Variants in MAPK10 observed in about 807,000 individuals in gnomAD.
The protein encoded by MAPK10 is JNK3 alpha protein kinase.
MAPK10 carries 25 observed loss-of-function variants against 59.3 expected under a neutral mutation model. That is an observed-to-expected ratio of 0.42 (90% confidence interval 0.31 to 0.59). The LOEUF (loss-of-function observed/expected upper bound fraction) is 0.59, where lower values mean the gene tolerates loss of function less well. MAPK10 is among the 20% of genes least tolerant of loss of function. The probability of loss-of-function intolerance (pLI) is 0.15; values close to 1 mark genes in which losing one functional copy is unlikely to be tolerated. For synonymous variants in MAPK10, 190 were observed against 200.5 expected, an observed-to-expected ratio of 0.95 and a Z score of 0.44; for missense variants, 351 against 568.9, an observed-to-expected ratio of 0.62 and a Z score of 3.90.
At chr4:86,272,198 T>G (rs1363855073) in intron 2 of MAPK10, among the ~76,000 whole-genome samples, 1 of 152,044 alleles carries the variant, frequency 6.6e-6, no homozygotes, top group Non-Finnish European at 1.5e-5. Context: ...CATAGTAGCT[T>G]AGGAATATTT....
At chr4:86,056,946 AT>A (rs11309220) in intron 11 of MAPK10, among the ~76,000 whole-genome samples, 62,909 of 146,238 alleles carry the variant, frequency 0.43, 16,305 homozygotes, top group African/African-American at 0.6. Flanking sequence ...TTGTTTATTT[AT>A]TTTATTTTAT....
At chr4:86,230,648 T>G (rs2091406431) in intron 2 of MAPK10, among the ~76,000 whole-genome samples, 1 of 152,350 alleles carries the variant, frequency 6.6e-6, no homozygotes, top group South Asian at 2.1e-4. Context: ...ACAAGTTCAC[T>G]TATTAATTTC....
chr4:86,313,882 T>C (rs2095719897), intron 2 of MAPK10, among the ~76,000 whole-genome samples: 1 of 152,056 alleles, frequency 6.6e-6, no homozygotes, highest in Non-Finnish European at 1.5e-5. Flanking sequence ...ATATGTTCAC[T>C]GAAAGTCAAG....
chr4:86,552,459 A>G (rs140484897), intron 1 of MAPK10, among the ~76,000 whole-genome samples: 374 of 34,200 alleles, frequency 0.011, no homozygotes, highest in Middle Eastern at 0.019. Flanking sequence ...GAAGGAAGGA[A>G]GGAGGGAGGG....
intron 1 of MAPK10, among the ~76,000 whole-genome samples, chr4:86,414,061 C>T (rs186371547): frequency 7.4e-5 from 11 of 149,212 alleles, no homozygotes; most frequent in Admixed American, 4.1e-4. Flanking sequence ...AGCGACCCCG[C>T]ATAATTTATT....
intron 1 of MAPK10, among the ~76,000 whole-genome samples, chr4:86,517,604 G>A (rs191009606): frequency 2.6e-5 from 4 of 152,020 alleles, no homozygotes; most frequent in African/African-American, 7.2e-5. Flanking sequence ...TGTTGGATTC[G>A]GTTAGCTAGT....
intron 1 of MAPK10, among the ~76,000 whole-genome samples, chr4:86,494,497 G>A (rs1754714181): frequency 6.6e-6 from 1 of 152,146 alleles, no homozygotes; most frequent in Non-Finnish European, 1.5e-5. Flanking sequence ...CTAAGGGAGT[G>A]TGAATACTGG....
At chr4:86,367,493 T>C (rs1176238974) in intron 1 of MAPK10, among the ~76,000 whole-genome samples, 1 of 152,090 alleles carries the variant, frequency 6.6e-6, no homozygotes, top group African/African-American at 2.4e-5. Context: ...CCATGTTTTA[T>C]TACACGTACT....
intron 11 of MAPK10, among the ~76,000 whole-genome samples, chr4:86,036,376 C>G (rs2040300275): frequency 6.6e-6 from 1 of 151,510 alleles, no homozygotes; most frequent in Admixed American, 6.6e-5. Flanking sequence ...AATTGTGACA[C>G]TAGAAAAACT....
intron 2 of MAPK10, among the ~76,000 whole-genome samples, chr4:86,350,158 T>A (rs554148909): frequency 8.5e-5 from 13 of 152,186 alleles, no homozygotes; most frequent in African/African-American, 2.6e-4. Context: ...TTCAAGCGAT[T>A]CTCCTGCCTC....
intron 2 of MAPK10, among the ~76,000 whole-genome samples, chr4:86,210,094 C>T (rs150805221): frequency 0.01 from 1,586 of 152,062 alleles, 13 homozygotes; most frequent in Middle Eastern, 0.02. Flanking sequence ...TAAAACTAGA[C>T]CCTAATCTCT....
intron 13 of MAPK10, among the ~76,000 whole-genome samples, chr4:86,023,517 C>T (rs2060588): frequency 0.2 from 30,681 of 151,802 alleles, 3,680 homozygotes; most frequent in African/African-American, 0.32. Context: ...TACATCAATT[C>T]GGGGAGTATC....
intron 2 of MAPK10, among the ~76,000 whole-genome samples, chr4:86,208,587 T>A (rs2084855031): frequency 6.6e-6 from 1 of 151,924 alleles, no homozygotes; most frequent in Non-Finnish European, 1.5e-5. Flanking sequence ...ATGGGACGTA[T>A]CTCAAAATAA....
At chr4:86,337,882 C>T (rs1722487041) in intron 2 of MAPK10, among the ~76,000 whole-genome samples, 1 of 152,162 alleles carries the variant, frequency 6.6e-6, no homozygotes, top group South Asian at 2.1e-4. Context: ...TATGCTCTTA[C>T]AATATACATT....
intron 1 of MAPK10, among the ~76,000 whole-genome samples, chr4:86,407,693 A>G (rs1744535637): frequency 6.6e-6 from 1 of 152,230 alleles, no homozygotes; most frequent in South Asian, 2.1e-4. Flanking sequence ...ATAAAAATAA[A>G]TTGTAAAAAG....
At chr4:86,139,326 A>T (rs976032056) in intron 4 of MAPK10, among the ~76,000 whole-genome samples, 1 of 151,032 alleles carries the variant, frequency 6.6e-6, no homozygotes, top group African/African-American at 2.5e-5. Flanking sequence ...TACTGGTACC[A>T]AAACAGAGAT....
At chr4:86,122,869 T>G (rs1026555432) in intron 4 of MAPK10, among the ~76,000 whole-genome samples, 1 of 152,126 alleles carries the variant, frequency 6.6e-6, no homozygotes. Context: ...TTGTAAAGCA[T>G]CAATGATGTC....
At chr4:86,352,519 G>A (rs888623985) in intron 2 of MAPK10, among the ~76,000 whole-genome samples, 2 of 152,146 alleles carry the variant, frequency 1.3e-5, no homozygotes, top group Non-Finnish European at 2.9e-5. Flanking sequence ...GCCTAGAGAT[G>A]CACAGATAGA....
chr4:86,517,940 C>A (rs72665729), intron 1 of MAPK10, among the ~76,000 whole-genome samples: 34,353 of 152,122 alleles, frequency 0.23, 4,600 homozygotes, highest in Admixed American at 0.3. Flanking sequence ...TTTAAAATTA[C>A]TGTTTCAATC....
Sources: allele counts gnomAD v4.1 joint callset (sites outside exome capture counted in the v4.1 genomes callset), GRCh38; gene constraint gnomAD v4.1.1; transcripts MANE v1.5; gene names NCBI Gene and HGNC (gene_info 2026-07-23, HGNC 2026-07-21).